MBD5: variants seen among roughly 807,000 people sequenced by gnomAD.
The protein encoded by MBD5 is methyl-CpG-binding domain protein 5.
In MBD5, 13 loss-of-function variants were observed where a neutral mutation model predicts 117.3. The ratio of observed to expected loss-of-function variants is 0.11; its 90% CI spans 0.07 to 0.18. The LOEUF (loss-of-function observed/expected upper bound fraction) is 0.18, where lower values mean the gene tolerates loss of function less well. MBD5 is among the 10% of genes least tolerant of loss of function. MBD5 has a pLI of 1.00. For synonymous variants in MBD5, 727 were observed against 766.4 expected (o/e 0.95, Z 0.85); for missense variants, 1,879 against 2,093.8 (o/e 0.90, Z 2.00).
chr2:148,222,984 G>A (rs1000828194), intron 2 of MBD5, among the ~76,000 whole-genome samples: 3 of 152,058 alleles, frequency 2.0e-5, no homozygotes, highest in Non-Finnish European at 2.9e-5. Flanking sequence ...AAGGGATGTT[G>A]AATTTTATCA....
chr2:148,435,243 G>A (rs979505803), intron 4 of MBD5, among the ~76,000 whole-genome samples: 1 of 151,772 alleles, frequency 6.6e-6, no homozygotes, highest in Non-Finnish European at 1.5e-5. Context: ...TTTTAATTGG[G>A]GCATTTCGTC....
At chr2:148,126,818 C>G (rs74508993) in intron 1 of MBD5, among the ~76,000 whole-genome samples, 1,974 of 152,158 alleles carry the variant, frequency 0.013, 53 homozygotes, top group Admixed American at 0.06. Context: ...AAAAGCATGT[C>G]AGAATGCACT....
Position 148,065,836 on chromosome 2 carries a change from T to C in MBD5, c.-925+44152T>C, listed in dbSNP as rs1695173709. On this transcript the variant is annotated intron_variant, in intron 1 of 13. Transcript: ENST00000642680. ...GATTATTTATGTTCATTGCCTGGAA[T>C]ATATACAAAACAAAGCTAAAAAGAT... Among the ~76,000 whole-genome samples, 5 of 152,212 alleles carry C rather than the reference T, an allele frequency of 3.3e-5. 1 individual carries two copies. The South Asian group carries it at 1.0e-3, about 31-fold the overall frequency.
At chr2:148,143,683 A>G (rs1047631267) in intron 1 of MBD5, among the ~76,000 whole-genome samples, 1 of 152,168 alleles carries the variant, frequency 6.6e-6, no homozygotes, top group African/African-American at 2.4e-5. Flanking sequence ...ATTCCAACCT[A>G]TGAATGAGAC....
intron 3 of MBD5, among the ~76,000 whole-genome samples, chr2:148,267,975 G>A (rs149684439): frequency 2.9e-5 from 4 of 137,120 alleles, no homozygotes; most frequent in African/African-American, 1.1e-4. Context: ...TTTGAGACAG[G>A]TTCTCACTTT....
In MBD5 at chr2:148,072,754, G is replaced by C. The variant is rs187432048; in HGVS notation, c.-925+51070G>C. On this transcript the variant is annotated intron_variant, in intron 1 of 13. Coordinates refer to ENST00000642680, the MANE Select transcript of MBD5 (RefSeq NM_001378120.1). ...ATCAGATTTAGTTATTAACTAAAAA[G>C]TTTTTTTCCAAATTTTCATGTCCTA... Among the ~76,000 whole-genome samples, 17 of 152,196 alleles carry C rather than the reference G, an allele frequency of 1.1e-4. No homozygotes were observed. The East Asian group carries it at 3.3e-3, about 29-fold the overall frequency.
At chr2:148,161,397 G>A (rs1008497431) in intron 1 of MBD5, among the ~76,000 whole-genome samples, 1 of 152,192 alleles carries the variant, frequency 6.6e-6, no homozygotes, top group Non-Finnish European at 1.5e-5. Context: ...GCATCTTTAT[G>A]CTGAGGACTA....
chr2:148,058,216 G>A (rs1477292164), intron 1 of MBD5, among the ~76,000 whole-genome samples: 1 of 151,762 alleles, frequency 6.6e-6, no homozygotes, highest in African/African-American at 2.4e-5. Context: ...TTAAACTTTT[G>A]ATGAATACTT....
intron 1 of MBD5, among the ~76,000 whole-genome samples, chr2:148,167,297 A>G (rs1698149059): frequency 6.6e-6 from 1 of 152,106 alleles, no homozygotes; most frequent in Admixed American, 6.5e-5. Context: ...TCAAATACTG[A>G]TTCATTAGTC....
chr2:148,389,482 A>G (rs879360916), intron 4 of MBD5, among the ~76,000 whole-genome samples: 1 of 151,130 alleles, frequency 6.6e-6, no homozygotes, highest in African/African-American at 2.4e-5. Context: ...TGGTAGTTCT[A>G]TTTTTGTTCT....
intron 1 of MBD5, among the ~76,000 whole-genome samples, chr2:148,031,221 A>G (rs554443204): frequency 6.6e-6 from 1 of 152,348 alleles, no homozygotes; most frequent in Non-Finnish European, 1.5e-5. Context: ...GAGGACAAAA[A>G]TAAAACAGAA....
intron 4 of MBD5, among the ~76,000 whole-genome samples, chr2:148,374,780 A>G (rs1703949869): frequency 1.3e-5 from 2 of 152,146 alleles, no homozygotes; most frequent in South Asian, 4.1e-4. Context: ...AAATTATACT[A>G]TCCTCTTGAA....
intron 3 of MBD5, among the ~76,000 whole-genome samples, chr2:148,255,163 A>G (rs1430528244): frequency 6.6e-6 from 1 of 152,220 alleles, no homozygotes; most frequent in Non-Finnish European, 1.5e-5. Context: ...CACAAGTACT[A>G]ACAAAGGTAG....
rs1680678432 is a variant in MBD5 at position 148,468,718 on chromosome 2, G to A, written c.775G>A (p.Gly259Arg). 1 of 1,613,766 alleles carries A rather than the reference G, an allele frequency of 6.2e-7. No individual in the cohort carries two copies. Among genetic ancestry groups the A allele is most frequent in the African/African-American group, 1.3e-5 (1 of 74,860 alleles). Residue 259 changes from glycine (G) to arginine (R), a missense_variant, in exon 8 of 14, where the codon GGA becomes AGA. By Grantham distance (125) the Gly-to-Arg change is moderately radical. Transcript: ENST00000642680. ...VFTRSNPGFH[G>R]APNSSPIHLN... is the part of the protein sequence containing the mutation. ...CACAAGAAGTAATCCTGGTTTTCAT[G>A]GAGCTCCCAATTCTAGTCCTATTCA... is the stretch of plus-strand genomic sequence containing the variant.
intron 5 of MBD5, 70 bp from the exon 6 acceptor site, chr2:148,462,512 T>G (rs1444126832): frequency 1.0e-6 from 1 of 987,160 alleles, no homozygotes; most frequent in East Asian, 2.4e-5. Flanking sequence ...AGACTATAAA[T>G]TATGCCTTTT....
intron 4 of MBD5, among the ~76,000 whole-genome samples, chr2:148,404,589 G>T (rs1300007483): frequency 1.3e-5 from 2 of 152,180 alleles, no homozygotes; most frequent in Non-Finnish European, 2.9e-5. Context: ...GCTCCAGCTA[G>T]GTTTAAGCTC....
intron 2 of MBD5, among the ~76,000 whole-genome samples, chr2:148,200,735 A>G (rs1200454888): frequency 6.6e-6 from 1 of 151,030 alleles, no homozygotes; most frequent in Non-Finnish European, 1.5e-5. Context: ...TTCAACACAG[A>G]AAAAAAAAGA....
chr2:148,482,340 C>T (rs1037895998), intron 8 of MBD5, among the ~76,000 whole-genome samples: 24 of 151,872 alleles, frequency 1.6e-4, no homozygotes, highest in Non-Finnish European at 3.1e-4. Flanking sequence ...GATTAAAGTA[C>T]AGTATATCAT....
intron 2 of MBD5, among the ~76,000 whole-genome samples, chr2:148,179,370 AG>A (rs1239688919): frequency 1.3e-5 from 2 of 151,880 alleles, no homozygotes; most frequent in Admixed American, 1.3e-4. Context: ...AAAAAAAAAA[AG>A]TAACTTCTAT....
Sources: gnomAD v4.1 joint callset for allele counts (sites outside exome capture counted in the v4.1 genomes callset) on GRCh38, gnomAD v4.1.1 for gene constraint, MANE v1.5 for transcripts, NCBI Gene and HGNC (gene_info 2026-07-23, HGNC 2026-07-21) for gene names.